TANC1: variants seen among roughly 807,000 people sequenced by gnomAD.
TANC1 encodes tetratricopeptide repeat, ankyrin repeat and coiled-coil containing 1, also known as protein TANC1.
In TANC1, 77 loss-of-function variants were observed where a neutral mutation model predicts 149.7. The observed-to-expected ratio is 0.51, with a 90% CI of 0.43 to 0.62. TANC1 has a LOEUF of 0.62. Among genes scored for constraint, TANC1 ranks in the 20% least tolerant of loss-of-function variants. The pLI is 0.00. For missense variants in TANC1, 1,985 were observed against 2,321.8 expected, an observed-to-expected ratio of 0.85 and a Z score of 2.98; for synonymous variants, 854 against 925.0, an observed-to-expected ratio of 0.92 and a Z score of 1.39.
chr2:159,146,481 G>T (rs1157514779), intron 5 of TANC1, among the ~76,000 whole-genome samples: 2 of 151,288 alleles, frequency 1.3e-5, no homozygotes, highest in Non-Finnish European at 2.9e-5. Context: ...TAGCAGCAAA[G>T]TCCAGGTTGT....
At chr2:159,155,904 T>A (rs2053381668) in intron 7 of TANC1, among the ~76,000 whole-genome samples, 1 of 152,040 alleles carries the variant, frequency 6.6e-6, no homozygotes, top group South Asian at 2.1e-4. Flanking sequence ...TAAAAAAAAA[T>A]TATCATGGGC....
chr2:159,039,132 T>A (rs1270925831), intron 2 of TANC1, among the ~76,000 whole-genome samples: 1 of 152,216 alleles, frequency 6.6e-6, no homozygotes, highest in Admixed American at 6.5e-5. Context: ...TCTAGTTTAT[T>A]TGCATAGAGG....
intron 4 of TANC1, among the ~76,000 whole-genome samples, chr2:159,135,929 A>G (rs2050616683): frequency 6.6e-6 from 1 of 151,970 alleles, no homozygotes; most frequent in African/African-American, 2.4e-5. Flanking sequence ...TAGGGTTTAC[A>G]TTCTCAAATC....
intron 1 of TANC1, among the ~76,000 whole-genome samples, chr2:158,978,201 C>A (rs1394331505): frequency 6.6e-6 from 1 of 152,124 alleles, no homozygotes; most frequent in Non-Finnish European, 1.5e-5. Context: ...GAAAGGGAGA[C>A]AGAGAATCCA....
At chr2:159,014,266 G>A (rs2038050504) in intron 2 of TANC1, among the ~76,000 whole-genome samples, 1 of 152,182 alleles carries the variant, frequency 6.6e-6, no homozygotes, top group African/African-American at 2.4e-5. Flanking sequence ...GGAGAAGCAA[G>A]TCACGTCTTA....
At chr2:159,055,467 G>A (rs898673991) in intron 2 of TANC1, among the ~76,000 whole-genome samples, 4 of 152,176 alleles carry the variant, frequency 2.6e-5, no homozygotes, top group African/African-American at 9.7e-5. Flanking sequence ...GACTTTGGAG[G>A]CAGCTATTCA....
chr2:159,017,856 C>A (rs758026563), intron 2 of TANC1, among the ~76,000 whole-genome samples: 29 of 151,804 alleles, frequency 1.9e-4, no homozygotes, highest in Non-Finnish European at 3.7e-4. Context: ...CACATGTATC[C>A]CAGAACTTAA....
chr2:159,179,317 G>A (rs542541679), intron 14 of TANC1, among the ~76,000 whole-genome samples, 154 bp downstream of exon 14: 2 of 152,022 alleles, frequency 1.3e-5, no homozygotes, highest in South Asian at 2.1e-4. Context: ...TTCCTTTTTG[G>A]CAGAAGGATG....
chr2:159,194,441 C>T lies in TANC1; in HGVS notation c.2927C>T (p.Ala976Val). ...ENGMTALCYA[A>V]AAGHMKLVCL... ...GGCATGACTGCCCTCTGTTACGCAG[C>T]AGCTGCTGGCCACATGAAGCTGGTG... is the stretch of plus-strand genomic sequence containing the variant. The change falls in exon 17 of 27, where the codon GCA (alanine) becomes GTA (valine). Residue 976 changes from alanine (A) to valine (V), a missense_variant. Coordinates refer to ENST00000263635, the MANE Select transcript of TANC1 (RefSeq NM_033394.3). 3.7e-6 allele frequency: 6 copies of T among 1,614,292 alleles called. No individual in the cohort carries two copies. Among genetic ancestry groups the T allele is most frequent in the Non-Finnish European group, 5.1e-6 (6 of 1,180,056 alleles).
At chr2:159,058,815 TTTTGTTTG>T (rs140501867) in intron 2 of TANC1, among the ~76,000 whole-genome samples, 10 of 151,946 alleles carry the variant, frequency 6.6e-5, no homozygotes, top group South Asian at 2.1e-4. Flanking sequence ...AGGTAAGGTG[TTTTGTTTG>T]TTTGTTTGTT....
chr2:159,185,880 T>C lies in TANC1; in HGVS notation c.2600T>C (p.Leu867Pro). The stretch of plus-strand genomic sequence containing the variant: ...ACCATGGAGCTTGGCCACCACATCC[T>C]GAAGGCGCACATTTTCAAGGTGAGA... ...QQTMELGHHI[L>P]KAHIFKGLSK... Residue 867 changes from leucine (L) to proline (P), a missense_variant, in exon 15 of 27, where the codon CTG becomes CCG. Physicochemically the swap from Leu to Pro is moderately conservative, Grantham distance 98. Transcript: ENST00000263635. 2 of 1,613,784 alleles carry C rather than the reference T, an allele frequency of 1.2e-6. No homozygotes were observed. Among genetic ancestry groups the C allele is most frequent in the Non-Finnish European group, 1.7e-6 (2 of 1,179,642 alleles).
chr2:159,105,023 C>A (rs1280753195), intron 4 of TANC1, among the ~76,000 whole-genome samples: 1 of 78,184 alleles, frequency 1.3e-5, no homozygotes, highest in African/African-American at 5.0e-5. Context: ...GAGATGGAGT[C>A]TCGCTCTATT....
intron 14 of TANC1, 69 bp from the exon 15 acceptor site, chr2:159,185,722 A>C: frequency 1.9e-6 from 2 of 1,034,298 alleles, no homozygotes; most frequent in Non-Finnish European, 2.9e-6. Context: ...TGGGTGGTGA[A>C]TTGAGGGTGG....
chr2:159,037,151 A>G lies in TANC1; in HGVS notation c.-15-28745A>G, dbSNP rs555007960. On this transcript the variant is annotated intron_variant, in intron 2 of 26. Coordinates refer to ENST00000263635, the MANE Select transcript of TANC1 (RefSeq NM_033394.3). ...TTTTCATGTGTCTGTTGGCTGCATAAATGTCTTCTTTTGAGAAGTGTCTGT... is the reference window on the plus strand; with the variant it reads ...TTTTCATGTGTCTGTTGGCTGCATAGATGTCTTCTTTTGAGAAGTGTCTGT... 2.6e-5 allele frequency among the ~76,000 whole-genome samples: 4 copies of G among 152,184 alleles called. No individual in the cohort carries two copies. The East Asian group carries it at 7.7e-4, about 29-fold the overall frequency.
At chr2:159,087,882 T>C (rs1259895706) in intron 3 of TANC1, among the ~76,000 whole-genome samples, 1 of 148,502 alleles carries the variant, frequency 6.7e-6, no homozygotes, top group Non-Finnish European at 1.5e-5. Flanking sequence ...AGTATGACTG[T>C]TGTCCTTAGG....
Position 159,150,458 on chromosome 2 carries a change from T to G in TANC1, c.584T>G (p.Leu195Trp), listed in dbSNP as rs761745493. Residue 195 changes from leucine to tryptophan, a missense_variant, in exon 7 of 27, where the codon TTG (leucine) becomes TGG (tryptophan). Physicochemically the swap from Leu to Trp is moderately conservative, Grantham distance 61. Coordinates refer to ENST00000263635, the MANE Select transcript of TANC1 (RefSeq NM_033394.3). ...AGCACCGATAGCCCCTGCTCAACCT[T>G]GAATAGCTGTGTCAGCAAGACGGCA... The part of the protein sequence containing the change: ...SPSTDSPCST[L>W]NSCVSKTAAN... 2 of 1,613,994 alleles carry G rather than the reference T, an allele frequency of 1.2e-6. No individual in the cohort carries two copies. The highest frequency in any genetic ancestry group is 1.7e-6 in the Non-Finnish European group (2 of 1,179,978).
At chr2:159,017,692 CAA>C (rs36113494) in intron 2 of TANC1, among the ~76,000 whole-genome samples, 8,368 of 134,550 alleles carry the variant, frequency 0.062, 408 homozygotes, top group East Asian at 0.19. Flanking sequence ...ACAACAACAA[CAA>C]AATATATATA....
At chr2:159,187,294 A>G (rs551789334) in intron 16 of TANC1, among the ~76,000 whole-genome samples, 1 of 152,320 alleles carries the variant, frequency 6.6e-6, no homozygotes, top group Non-Finnish European at 1.5e-5. Context: ...TAAGGAAGCA[A>G]TTTACAAAAG....
chr2:159,015,913 G>T (rs904441971), intron 2 of TANC1, among the ~76,000 whole-genome samples: 2 of 152,144 alleles, frequency 1.3e-5, no homozygotes, highest in African/African-American at 4.8e-5. Flanking sequence ...CAAGTCTCTA[G>T]GGAGTTCCAA....
Sources: allele counts gnomAD v4.1 joint callset (sites outside exome capture counted in the v4.1 genomes callset), GRCh38; gene constraint gnomAD v4.1.1; transcripts MANE v1.5; gene names NCBI Gene and HGNC (gene_info 2026-07-23, HGNC 2026-07-21).